DYNLRB1: variants seen among roughly 807,000 people sequenced by gnomAD.
The protein encoded by DYNLRB1 is ROBL/LC7-like 1.
DYNLRB1 carries 6 observed loss-of-function variants against 13.5 expected under a neutral mutation model. The ratio of observed to expected loss-of-function variants is 0.44; its 90% CI spans 0.24 to 0.88. DYNLRB1 has a LOEUF of 0.88. Ranked by LOEUF, DYNLRB1 falls within the 40% of genes least tolerant of loss-of-function variation. DYNLRB1 has a pLI of 0.21. For missense variants in DYNLRB1, 93 were observed against 127.2 expected, an observed-to-expected ratio of 0.73 and a Z score of 1.29; for synonymous variants, 43 against 45.0, an observed-to-expected ratio of 0.96 and a Z score of 0.18.
chr20:34,520,535 C>T (rs1450058003), intron 1 of DYNLRB1, among the ~76,000 whole-genome samples: 1 of 152,180 alleles, frequency 6.6e-6, no homozygotes. Context: ...CAACCTCTGC[C>T]TCCCAGGTTC....
chr20:34,530,093 C>A lies in DYNLRB1; in HGVS notation c.79+3750C>A, dbSNP rs190606811. The A allele has an allele frequency of 5.3e-3, 6,612 of 1,238,452 alleles. 20 individuals are homozygous for A. Among genetic ancestry groups the A allele is most frequent in the Non-Finnish European group, 6.1e-3 (6,056 of 990,640 alleles). The allele number at this position is 1,238,452 out of a possible 1,614,324, so 76.7% of individuals were successfully genotyped here. On this transcript the variant is annotated intron_variant, in intron 2 of 3. Coordinates refer to ENST00000357156, the MANE Select transcript of DYNLRB1 (RefSeq NM_014183.4). ...GACATTTTGACTCCAAGGAGACAACCCCAGGGGCCAACAGCCCCAGCTGTG... is the reference window on the plus strand; with the variant it reads ...GACATTTTGACTCCAAGGAGACAACACCAGGGGCCAACAGCCCCAGCTGTG...
At chr20:34,519,067 A>G (rs547029656) in intron 1 of DYNLRB1, among the ~76,000 whole-genome samples, 3 of 151,602 alleles carry the variant, frequency 2.0e-5, no homozygotes, top group South Asian at 2.1e-4. Flanking sequence ...TAATTTTTCT[A>G]TTTTTGGTAG....
Position 34,540,876 on chromosome 20 carries a change from C to T in DYNLRB1, c.*252C>T, listed in dbSNP as rs1568606182. 2 of 461,398 alleles carry T rather than the reference C, an allele frequency of 4.3e-6. No homozygotes were observed. The highest frequency in any genetic ancestry group is 7.6e-6 in the Non-Finnish European group (2 of 263,098). The allele number at this position is 461,398 out of a possible 1,614,324, so 28.6% of individuals were successfully genotyped here. On this transcript the variant is annotated 3_prime_UTR_variant, in exon 4 of 4. Coordinates refer to ENST00000357156, the MANE Select transcript of DYNLRB1 (RefSeq NM_014183.4). ...GCAAGAGCTTGCAGGAAGCCCGCAC[C>T]CAGCTTCCTTCTGACCTTCAGTTCA...
Position 34,534,231 on chromosome 20 carries a change from TA to T in DYNLRB1, c.80-396del, listed in dbSNP as rs1980943948. ...CAAAAAAATAAAAACCTGATTTTGT[TA>T]GTTTTTTAAATCTGTGTCCCTGCAT... On this transcript the variant is annotated intron_variant, in intron 2 of 3. Transcript: ENST00000357156. 3.9e-5 allele frequency among the ~76,000 whole-genome samples: 6 copies of T among 152,362 alleles called. No homozygotes were observed. The South Asian group carries it at 1.2e-3, about 32-fold the overall frequency.
At chr20:34,539,513 G>A (rs940828011) in intron 3 of DYNLRB1, among the ~76,000 whole-genome samples, 1 of 151,802 alleles carries the variant, frequency 6.6e-6, no homozygotes, top group Non-Finnish European at 1.5e-5. Context: ...GACCCCATCT[G>A]TACAAAACTT....
chr20:34,520,371 T>C (rs1979615144), intron 1 of DYNLRB1, among the ~76,000 whole-genome samples: 1 of 152,206 alleles, frequency 6.6e-6, no homozygotes, highest in Non-Finnish European at 1.5e-5. Context: ...AGTGACTACA[T>C]AATACTCGGT....
chr20:34,526,064 G>A (rs1295010527), intron 1 of DYNLRB1, among the ~76,000 whole-genome samples: 1 of 152,234 alleles, frequency 6.6e-6, no homozygotes, highest in Non-Finnish European at 1.5e-5. Context: ...CCTGTCCTGC[G>A]TGGGGGTGTG....
chr20:34,532,964 C>A (rs556225315), intron 2 of DYNLRB1, among the ~76,000 whole-genome samples: 1 of 152,188 alleles, frequency 6.6e-6, no homozygotes, highest in East Asian at 1.9e-4. Context: ...AAGCTGGCCA[C>A]TTCTATGTGA....
At chr20:34,530,252 G>C in intron 2 of DYNLRB1, 2 of 1,052,026 alleles carry the variant, frequency 1.9e-6, no homozygotes, top group Non-Finnish European at 2.3e-6. Context: ...CTGCTTTTTT[G>C]TATACTCATG....
intron 2 of DYNLRB1, 147 bp downstream of exon 2, chr20:34,526,490 T>A: frequency 1.6e-6 from 1 of 639,366 alleles, no homozygotes; most frequent in Non-Finnish European, 2.6e-6. Flanking sequence ...GTGTTCTTTT[T>A]TTTTTTTTTT....
chr20:34,527,839 T>G (rs1451783162), intron 2 of DYNLRB1, among the ~76,000 whole-genome samples: 2 of 152,136 alleles, frequency 1.3e-5, no homozygotes, highest in Admixed American at 1.3e-4. Context: ...CTGCCTCAGA[T>G]CATGTTTTCA....
At chr20:34,516,890 T>G in intron 1 of DYNLRB1, 10 of 1,485,628 alleles carry the variant, frequency 6.7e-6, no homozygotes, top group Non-Finnish European at 9.0e-6. Context: ...GATACAATCT[T>G]TAGTCCCATT....
intron 3 of DYNLRB1, among the ~76,000 whole-genome samples, chr20:34,539,486 C>T (rs1257415535): frequency 6.6e-6 from 1 of 151,894 alleles, no homozygotes; most frequent in Non-Finnish European, 1.5e-5. Context: ...TTGCAACCAG[C>T]TTGGGCAACA....
At chr20:34,516,854 C>G (rs893741426) in intron 1 of DYNLRB1, 2 of 1,541,340 alleles carry the variant, frequency 1.3e-6, no homozygotes, top group African/African-American at 1.4e-5. Context: ...TGTATTTCCT[C>G]CGCCTCCTCC....
intron 2 of DYNLRB1, among the ~76,000 whole-genome samples, chr20:34,527,372 C>CTT (rs1980308253): frequency 6.6e-6 from 1 of 152,222 alleles, no homozygotes; most frequent in Non-Finnish European, 1.5e-5. Context: ...GGGGATAATA[C>CTT]TTATATCTAC....
At chr20:34,526,689 G>T in intron 2 of DYNLRB1, 1 of 293,122 alleles carries the variant, frequency 3.4e-6, no homozygotes. Flanking sequence ...TGCTTACTCA[G>T]CCTCGTCCAG....
chr20:34,520,668 C>CA (rs1379510964), intron 1 of DYNLRB1, among the ~76,000 whole-genome samples: 1 of 152,132 alleles, frequency 6.6e-6, no homozygotes, highest in Non-Finnish European at 1.5e-5. Flanking sequence ...AGGCTGGTCT[C>CA]AAACTCCTGA....
chr20:34,525,253 T>C (rs1177994514), intron 1 of DYNLRB1, among the ~76,000 whole-genome samples: 1 of 151,990 alleles, frequency 6.6e-6, no homozygotes, highest in African/African-American at 2.4e-5. Context: ...GGCTTCTGAC[T>C]GGATTCTAGA....
chr20:34,540,727 C>A lies in DYNLRB1; in HGVS notation c.*103C>A. ...TAGCACATGGCAGTCGCTTGGAACC[C>A]ACTCACACCAATCCAGTGACCGTGT... On this transcript the variant is annotated 3_prime_UTR_variant, in exon 4 of 4. Transcript: ENST00000357156. The A allele has an allele frequency of 8.3e-7, 1 of 1,207,460 alleles. No homozygotes were observed. 74.8% of individuals were successfully genotyped at this position (1,207,460 alleles called of 1,614,324 possible).
Sources: allele counts gnomAD v4.1 joint callset (sites outside exome capture counted in the v4.1 genomes callset), GRCh38; gene constraint gnomAD v4.1.1; transcripts MANE v1.5; gene names NCBI Gene and HGNC (gene_info 2026-07-23, HGNC 2026-07-21).